Variants in STXBP5 observed in about 807,000 individuals in gnomAD.
STXBP5 encodes syntaxin binding protein 5, also known as syntaxin-binding protein 5.
STXBP5 carries 50 observed loss-of-function variants against 152.4 expected under a neutral mutation model. The ratio of observed to expected loss-of-function variants is 0.33; its 90% CI spans 0.26 to 0.42. The LOEUF is 0.42. Among genes scored for constraint, STXBP5 ranks in the 10% least tolerant of loss-of-function variants. STXBP5 has a pLI of 1.00. For missense variants in STXBP5, 1,167 were observed against 1,388.6 expected (o/e 0.84, Z 2.54); for synonymous variants, 492 against 494.7 (o/e 0.99, Z 0.07).
intron 9 of STXBP5, among the ~76,000 whole-genome samples, chr6:147,298,682 T>A (rs1270662501): frequency 6.6e-6 from 1 of 151,956 alleles, no homozygotes; most frequent in Non-Finnish European, 1.5e-5. Context: ...AAGAGAAACT[T>A]TGGAAACTGT....
At chr6:147,302,845 C>T (rs772527606) in intron 9 of STXBP5, among the ~76,000 whole-genome samples, 1 of 152,164 alleles carries the variant, frequency 6.6e-6, no homozygotes, top group Non-Finnish European at 1.5e-5. Context: ...TGGTGAGATA[C>T]AGATATCAAT....
chr6:147,246,647 CTT>C (rs917403451), intron 4 of STXBP5, among the ~76,000 whole-genome samples: 1 of 151,890 alleles, frequency 6.6e-6, no homozygotes, highest in African/African-American at 2.4e-5. Flanking sequence ...TTCTATATGA[CTT>C]TTATTATTTG....
Position 147,316,355 on chromosome 6 carries a change from T to C in STXBP5, c.1750T>C (p.Ser584Pro). 2.5e-6 allele frequency: 4 copies of C among 1,605,278 alleles called. No individual in the cohort carries two copies. Among genetic ancestry groups the C allele is most frequent in the Non-Finnish European group, 3.4e-6 (4 of 1,177,074 alleles). The change falls in exon 16 of 28, where the codon TCT becomes CCT. Residue 584 changes from serine (S) to proline (P), a missense_variant. This residue lies in a region of STXBP5 where 833 missense variants were observed against 986.3 expected (regional missense o/e 0.84). Coordinates refer to ENST00000321680, the MANE Select transcript of STXBP5 (RefSeq NM_001127715.4). ...GCCCATCCCTCCTCAGTCTCATCCA[T>C]CTACCAGTAGCAGTTCATCTGATGG... is the stretch of plus-strand genomic sequence containing the variant. ...PQPIPPQSHP[S>P]TSSSSSDGLR...
chr6:147,287,413 G>A (rs960716323), intron 8 of STXBP5, among the ~76,000 whole-genome samples: 14 of 151,202 alleles, frequency 9.3e-5, no homozygotes, highest in Non-Finnish European at 1.2e-4. Context: ...CGTTTTAGCC[G>A]GGATGGTCTC....
intron 2 of STXBP5, among the ~76,000 whole-genome samples, chr6:147,228,942 CT>C (rs1777864672): frequency 6.6e-6 from 1 of 152,056 alleles, no homozygotes; most frequent in South Asian, 2.1e-4. Flanking sequence ...CCATACTATT[CT>C]TTACATGATC....
intron 25 of STXBP5, among the ~76,000 whole-genome samples, chr6:147,367,760 C>T (rs1325544702): frequency 1.3e-5 from 2 of 151,938 alleles, no homozygotes; most frequent in African/African-American, 2.4e-5. Context: ...GAAATCAAAA[C>T]TAATAAAATT....
chr6:147,366,111 G>A (rs1583002292), intron 25 of STXBP5, among the ~76,000 whole-genome samples: 1 of 152,192 alleles, frequency 6.6e-6, no homozygotes, highest in East Asian at 1.9e-4. Flanking sequence ...CCAAGTTGAA[G>A]AGGCAGGAAC....
intron 4 of STXBP5, among the ~76,000 whole-genome samples, chr6:147,246,335 A>C (rs941115888): frequency 6.6e-6 from 1 of 152,224 alleles, no homozygotes; most frequent in Non-Finnish European, 1.5e-5. Flanking sequence ...GCATAAGTTT[A>C]TAACTAATGA....
At chr6:147,253,303 G>A (rs1179919204) in intron 4 of STXBP5, among the ~76,000 whole-genome samples, 9 of 152,116 alleles carry the variant, frequency 5.9e-5, no homozygotes, top group Non-Finnish European at 1.3e-4. Flanking sequence ...TCGATGGAAC[G>A]TATCTCAAAA....
chr6:147,305,395 TAAAG>T (rs1782039070), intron 9 of STXBP5, among the ~76,000 whole-genome samples: 1 of 152,212 alleles, frequency 6.6e-6, no homozygotes, highest in Non-Finnish European at 1.5e-5. Flanking sequence ...GCCCTTCTAT[TAAAG>T]AGATTTTTGA....
intron 2 of STXBP5, among the ~76,000 whole-genome samples, chr6:147,223,351 G>C (rs2115100580): frequency 6.6e-6 from 1 of 152,206 alleles, no homozygotes; most frequent in Non-Finnish European, 1.5e-5. Context: ...TTCATCTTTG[G>C]TAAAGACTTA....
At chr6:147,346,155 C>T (rs1784318382) in intron 21 of STXBP5, among the ~76,000 whole-genome samples, 1 of 152,222 alleles carries the variant, frequency 6.6e-6, no homozygotes, top group Non-Finnish European at 1.5e-5. Flanking sequence ...AACTTCAAGA[C>T]ATGAACAGAA....
At position 147,388,300 on chromosome 6, in the gene STXBP5, T is replaced by C. The variant is rs1191537111; in HGVS notation, c.*3545T>C. On this transcript the variant is annotated 3_prime_UTR_variant, in exon 28 of 28. Coordinates refer to ENST00000321680, the MANE Select transcript of STXBP5 (RefSeq NM_001127715.4). ...CAGTTTTAAAACCTTTAATAGGGTT[T>C]TATATAGATTTAAAAAATAGTAAAA... 1.3e-5 allele frequency: 2 copies of C among 151,744 alleles called. No individual in the cohort carries two copies. Among genetic ancestry groups the C allele is most frequent in the African/African-American group, 4.8e-5 (2 of 41,436 alleles). 9.4% of individuals were successfully genotyped at this position (151,744 alleles called of 1,614,324 possible). A position where few individuals can be genotyped will look rare whatever the true frequency, so the allele number is the denominator to read the frequency against.
chr6:147,306,535 A>T (rs1782102072), intron 9 of STXBP5, among the ~76,000 whole-genome samples: 1 of 152,206 alleles, frequency 6.6e-6, no homozygotes. Flanking sequence ...GTGGAGATGA[A>T]AAGGAGGAGA....
chr6:147,238,239 T>C (rs1477944060), intron 3 of STXBP5, among the ~76,000 whole-genome samples: 2 of 152,204 alleles, frequency 1.3e-5, no homozygotes, highest in African/African-American at 4.8e-5. Context: ...GGTCTCATGC[T>C]GCCTCATAAC....
At chr6:147,333,573 TA>T (rs1287539072) in intron 18 of STXBP5, among the ~76,000 whole-genome samples, 1 of 152,060 alleles carries the variant, frequency 6.6e-6, no homozygotes, top group Non-Finnish European at 1.5e-5. Flanking sequence ...ACTTCCTATC[TA>T]ATGAAAAAAA....
At chr6:147,325,992 G>A (rs1410622014) in intron 17 of STXBP5, among the ~76,000 whole-genome samples, 2 of 152,126 alleles carry the variant, frequency 1.3e-5, no homozygotes. Flanking sequence ...ATGATTTAAA[G>A]TATATGGGAG....
intron 23 of STXBP5, among the ~76,000 whole-genome samples, chr6:147,359,605 C>T (rs1784972273): frequency 9.5e-6 from 1 of 104,972 alleles, no homozygotes; most frequent in Non-Finnish European, 1.8e-5. Context: ...TGCTATCCCT[C>T]CCCCCTCCCC....
At chr6:147,265,475 T>C (rs1779846463) in intron 6 of STXBP5, among the ~76,000 whole-genome samples, 1 of 152,082 alleles carries the variant, frequency 6.6e-6, no homozygotes, top group Non-Finnish European at 1.5e-5. Context: ...TAGATGAAAA[T>C]GCATGGTACT....
Sources: allele counts gnomAD v4.1 joint callset (sites outside exome capture counted in the v4.1 genomes callset), GRCh38; gene constraint gnomAD v4.1.1; regional missense constraint gnomAD v4.1.1; transcripts MANE v1.5; gene names NCBI Gene and HGNC (gene_info 2026-07-23, HGNC 2026-07-21).